The following SLAIN2 variants were observed in gnomAD, a reference collection of about 807,000 sequenced individuals.
The protein encoded by SLAIN2 is SLAIN motif-containing protein 2.
A neutral mutation model predicts 56.6 loss-of-function variants in SLAIN2; 31 were observed. That is an observed-to-expected ratio of 0.55 (90% CI 0.41 to 0.74). SLAIN2 has a LOEUF of 0.74. Ranked by LOEUF, SLAIN2 falls within the 30% of genes least tolerant of loss-of-function variation. SLAIN2 has a pLI of 0.00. For synonymous variants in SLAIN2, 317 were observed against 284.9 expected (o/e 1.11, Z -1.13); for missense variants, 777 against 754.2 (o/e 1.03, Z -0.35).
At chr4:48,377,112 A>G (rs1715838535) in intron 2 of SLAIN2, among the ~76,000 whole-genome samples, 1 of 151,610 alleles carries the variant, frequency 6.6e-6, no homozygotes, top group Non-Finnish European at 1.5e-5. Flanking sequence ...AGGCCAAGAT[A>G]GGAGGATCAC....
intron 2 of SLAIN2, among the ~76,000 whole-genome samples, chr4:48,371,997 C>CGT (rs1405883520): frequency 6.8e-6 from 1 of 147,434 alleles, no homozygotes; most frequent in African/African-American, 2.5e-5. Flanking sequence ...CACGCGCGCA[C>CGT]ACACACACAC....
At chr4:48,400,474 GC>G (rs1716520938) in intron 6 of SLAIN2, among the ~76,000 whole-genome samples, 1 of 139,492 alleles carries the variant, frequency 7.2e-6, no homozygotes, top group Non-Finnish European at 1.5e-5. Flanking sequence ...TTGGCTCACT[GC>G]AAGCTCCTCT....
intron 6 of SLAIN2, among the ~76,000 whole-genome samples, chr4:48,395,865 G>T: frequency 7.9e-6 from 1 of 126,952 alleles, no homozygotes. Context: ...TCCATGGCTA[G>T]GGGTAGGAGG....
At chr4:48,400,656 C>T (rs1034953835) in intron 6 of SLAIN2, among the ~76,000 whole-genome samples, 1 of 152,002 alleles carries the variant, frequency 6.6e-6, no homozygotes, top group African/African-American at 2.4e-5. Flanking sequence ...CCGCCTTGGC[C>T]TCACAGAATG....
chr4:48,386,182 G>A (rs961469569), intron 6 of SLAIN2, among the ~76,000 whole-genome samples: 2 of 151,484 alleles, frequency 1.3e-5, no homozygotes, highest in Non-Finnish European at 2.9e-5. Context: ...TTTACAAGGT[G>A]CATATGATAT....
chr4:48,398,893 T>A (rs1242330952), intron 6 of SLAIN2, among the ~76,000 whole-genome samples: 1 of 152,214 alleles, frequency 6.6e-6, no homozygotes, highest in African/African-American at 2.4e-5. Flanking sequence ...TTTTGGTAAC[T>A]CTAGCCTTGT....
intron 1 of SLAIN2, among the ~76,000 whole-genome samples, 183 bp downstream of exon 1, chr4:48,342,311 C>G: frequency 6.6e-6 from 1 of 152,180 alleles, no homozygotes. Flanking sequence ...TCGAGGCGTG[C>G]GCAAGTAACA....
chr4:48,422,456 G>T lies in SLAIN2; in HGVS notation c.*379G>T. 5.5e-6 allele frequency: 1 copy of T among 180,770 alleles called. No homozygotes were observed. Among genetic ancestry groups the T allele is most frequent in the South Asian group, 1.3e-4 (1 of 7,828 alleles). 11.2% of individuals were successfully genotyped at this position (180,770 alleles called of 1,614,324 possible). ...TGTGCACAAGAAAATGGTGAATTCAGGCTATCCAAAACTTCACATTCAACC... is the reference window on the plus strand; with the variant it reads ...TGTGCACAAGAAAATGGTGAATTCATGCTATCCAAAACTTCACATTCAACC... On this transcript the variant is annotated 3_prime_UTR_variant, in exon 8 of 8. Transcript: ENST00000264313.
At chr4:48,352,482 T>C (rs1372197756) in intron 1 of SLAIN2, among the ~76,000 whole-genome samples, 1 of 152,216 alleles carries the variant, frequency 6.6e-6, no homozygotes, top group Non-Finnish European at 1.5e-5. Context: ...TTTGATCTTA[T>C]TAATGTTATT....
In SLAIN2 at chr4:48,398,814, G is replaced by A. The variant is rs570880213; in HGVS notation, c.1360+15030G>A. On this transcript the variant is annotated intron_variant, in intron 6 of 7. Transcript: ENST00000264313. ...AAGATCAGATGGCTGTAGATGTGCA[G>A]TCTTATTTCTGAGTTCTCCCTTCTG... Among the ~76,000 whole-genome samples the A allele has an allele frequency of 1.2e-4, 19 of 152,282 alleles. No homozygotes were observed. In the South Asian group the frequency reaches 3.9e-3, roughly 32 times the overall value.
At chr4:48,372,986 C>A (rs974199884) in intron 2 of SLAIN2, among the ~76,000 whole-genome samples, 1 of 151,938 alleles carries the variant, frequency 6.6e-6, no homozygotes, top group African/African-American at 2.4e-5. Flanking sequence ...CACTCAGGTT[C>A]GCTGCAGCGC....
chr4:48,422,024 C>T lies in SLAIN2; in HGVS notation c.1693C>T (p.Pro565Ser). Residue 565 changes from proline (P) to serine (S), a missense_variant, in exon 8 of 8, where the codon CCT becomes TCT. Transcript: ENST00000264313. ...AQPVRRSLPAPKTYGSMKDDS... is the reference protein window; with the variant it reads ...AQPVRRSLPASKTYGSMKDDS... ...GCTTTATTACAGATCCTTGCCAGCTCCTAAAACCTATGGTAGCATGAAAGA... is the reference window on the plus strand; with the variant it reads ...GCTTTATTACAGATCCTTGCCAGCTTCTAAAACCTATGGTAGCATGAAAGA... The T allele has an allele frequency of 6.2e-7, 1 of 1,609,642 alleles. No individual in the cohort carries two copies. The highest frequency in any genetic ancestry group is 8.5e-7 in the Non-Finnish European group (1 of 1,178,066).
intron 6 of SLAIN2, among the ~76,000 whole-genome samples, chr4:48,413,167 G>T (rs188402978): frequency 1.2e-4 from 18 of 152,022 alleles, no homozygotes; most frequent in African/African-American, 3.4e-4. Context: ...GGCAGACGTT[G>T]CAGTGAACCA....
At chr4:48,343,910 G>C (rs1714794082) in intron 1 of SLAIN2, among the ~76,000 whole-genome samples, 1 of 152,170 alleles carries the variant, frequency 6.6e-6, no homozygotes, top group African/African-American at 2.4e-5. Flanking sequence ...AAAGAACCCA[G>C]AATCTTGTAA....
intron 6 of SLAIN2, among the ~76,000 whole-genome samples, chr4:48,412,281 T>C (rs1282342951): frequency 6.6e-6 from 1 of 152,122 alleles, no homozygotes; most frequent in Non-Finnish European, 1.5e-5. Flanking sequence ...TTTGGAAATG[T>C]GGCTATTTTG....
intron 6 of SLAIN2, among the ~76,000 whole-genome samples, chr4:48,391,180 A>G (rs946025314): frequency 6.6e-6 from 1 of 152,210 alleles, no homozygotes; most frequent in Non-Finnish European, 1.5e-5. Flanking sequence ...ATGCTTAAAT[A>G]TAATAATATA....
At chr4:48,348,377 A>G (rs1050794939) in intron 1 of SLAIN2, among the ~76,000 whole-genome samples, 1 of 152,116 alleles carries the variant, frequency 6.6e-6, no homozygotes, top group Admixed American at 6.5e-5. Context: ...GTTGCACTCT[A>G]TGTGGGAGCA....
chr4:48,341,893 G>C lies in SLAIN2; in HGVS notation c.154G>C (p.Ala52Pro), dbSNP rs1457153922. The C allele has an allele frequency of 4.0e-6, 6 of 1,513,480 alleles. No homozygotes were observed. The highest frequency in any genetic ancestry group is 5.3e-6 in the Non-Finnish European group (6 of 1,132,004). 93.8% of individuals were successfully genotyped at this position (1,513,480 alleles called of 1,614,324 possible). ...CCTTGGGCCCGGCAGCCCGGTTCGGGCCGGCGCGTCCATTCCCTCCTCCGG... is the reference window on the plus strand; with the variant it reads ...CCTTGGGCCCGGCAGCCCGGTTCGGCCCGGCGCGTCCATTCCCTCCTCCGG... ...GSLGPGSPVRAGASIPSSGAA... is the reference protein window; with the variant it reads ...GSLGPGSPVRPGASIPSSGAA... The change falls in exon 1 of 8, where the codon GCC becomes CCC. Residue 52 changes from alanine to proline, a missense_variant. Physicochemically the swap from Ala to Pro is conservative, Grantham distance 27. Transcript: ENST00000264313.
At chr4:48,399,953 C>T (rs561160244) in intron 6 of SLAIN2, among the ~76,000 whole-genome samples, 20 of 152,004 alleles carry the variant, frequency 1.3e-4, no homozygotes, top group African/African-American at 4.8e-4. Context: ...GGGATATTGG[C>T]CTGATGTTTT....
Sources: allele counts gnomAD v4.1 joint callset (sites outside exome capture counted in the v4.1 genomes callset), GRCh38; gene constraint gnomAD v4.1.1; transcripts MANE v1.5; gene names NCBI Gene and HGNC (gene_info 2026-07-23, HGNC 2026-07-21).